The following ERVK3-1 variants were observed in gnomAD, a reference collection of about 807,000 sequenced individuals.
The protein encoded by ERVK3-1 is endogenous retrovirus group K3 member 1, also known as HERV-K(HML6-1).
rs1411795705 is a variant in ERVK3-1, at chr19:58,310,820, A to G, written c.-3-1346A>G. The G allele has an allele frequency of 2.7e-5, 10 of 369,284 alleles. No individual in the cohort carries two copies. The East Asian group carries it at 5.3e-4, about 20-fold the overall frequency. 22.9% of individuals were successfully genotyped at this position (369,284 alleles called of 1,614,324 possible). The stretch of plus-strand genomic sequence containing the variant: ...AGTCTTCTCTAACCTCCCCCAGGGA[A>G]AGGGAGACCGCCCCCCACCCTTTCC... On this transcript the variant is annotated intron_variant, in intron 2 of 3. Transcript: ENST00000413518. This position sits in a 1 kb window ranked among gnomAD's most constrained non-coding sequence, Gnocchi z 4.7.
downstream of ERVK3-1, among the ~76,000 whole-genome samples, chr19:58,316,448 A>G (rs1395140438): frequency 6.6e-6 from 1 of 152,120 alleles, no homozygotes; most frequent in Non-Finnish European, 1.5e-5. Flanking sequence ...AGGCTGAGGC[A>G]GGCCTGAGGT....
At chr19:58,314,609 A>C (rs1227365322) in intron 3 of ERVK3-1, 139 bp from the exon 4 acceptor site, 11 of 344,458 alleles carry the variant, frequency 3.2e-5, no homozygotes, top group Admixed American at 1.6e-4. Context: ...CCTGGGTGAC[A>C]GAGCGAGACT....
At chr19:58,311,356 A>G (rs1291438610) in intron 2 of ERVK3-1, 1 of 152,098 alleles carries the variant, frequency 6.6e-6, no homozygotes, top group Non-Finnish European at 1.5e-5. Context: ...TCTCACACAC[A>G]ACTTCCTGGG....
At chr19:58,309,710 C>G (rs2051544947) in intron 2 of ERVK3-1, 1 of 152,212 alleles carries the variant, frequency 6.6e-6, no homozygotes, top group Non-Finnish European at 1.5e-5. Flanking sequence ...ATAGACAAAA[C>G]TATAATGGTA....
Position 58,310,892 on chromosome 19 carries a change from G to A in ERVK3-1, c.-3-1274G>A, listed in dbSNP as rs1191708230. The A allele has an allele frequency of 2.0e-5, 8 of 398,908 alleles. No individual in the cohort carries two copies. The highest frequency in any genetic ancestry group is 3.6e-5 in the South Asian group (2 of 56,250). 24.7% of individuals were successfully genotyped at this position (398,908 alleles called of 1,614,324 possible). A position where few individuals can be genotyped will look rare whatever the true frequency, so the allele number is the denominator to read the frequency against. ...TTGTTCCTTGACACTTTTCGCTACC[G>A]CTAGACCACGGTCTTCCCAAACGCT... is the stretch of plus-strand genomic sequence containing the variant. On this transcript the variant is annotated intron_variant, in intron 2 of 3. Transcript: ENST00000413518. This position sits in a 1 kb window ranked among gnomAD's most constrained non-coding sequence, Gnocchi z 4.7.
At chr19:58,315,504 T>C (rs1163352869) in exon 4 of ERVK3-1, 1 of 152,272 alleles carries the variant, frequency 6.6e-6, no homozygotes, top group East Asian at 1.9e-4. Flanking sequence ...TTCATCCATG[T>C]TGTAGCATGT....
In ERVK3-1 at chr19:58,310,061, C is replaced by T. The variant is rs2051546590; in HGVS notation, c.-3-2105C>T. 3 of 152,142 alleles carry T rather than the reference C, an allele frequency of 2.0e-5. No homozygotes were observed. The highest frequency in any genetic ancestry group is 2.1e-4 in the South Asian group (1 of 4,830). The allele number at this position is 152,142 out of a possible 1,614,324, so 9.4% of individuals were successfully genotyped here. On this transcript the variant is annotated intron_variant, in intron 2 of 3. Transcript: ENST00000413518. The surrounding 1 kb of genome is among the most constrained non-coding windows in gnomAD (Gnocchi z 4.7). ...CAGACCTATTTTACCGATGGCTCTTCCAAAAGCCACACAGCCATTTATGGA... is the reference window on the plus strand; with the variant it reads ...CAGACCTATTTTACCGATGGCTCTTTCAAAAGCCACACAGCCATTTATGGA...
intron 2 of ERVK3-1, among the ~76,000 whole-genome samples, chr19:58,307,885 C>T (rs1444344191): frequency 1.3e-5 from 2 of 152,144 alleles, no homozygotes; most frequent in South Asian, 2.1e-4. Context: ...AGGATTAGAT[C>T]GCTCAGTCAG....
Position 58,310,885 on chromosome 19 carries a change from C to T in ERVK3-1, c.-3-1281C>T, listed in dbSNP as rs1197640179. ...GCGGGTGTTGTTCCTTGACACTTTT[C>T]GCTACCGCTAGACCACGGTCTTCCC... On this transcript the variant is annotated intron_variant, in intron 2 of 3. Coordinates refer to ENST00000413518, the Ensembl canonical transcript of ERVK3-1. This position sits in a 1 kb window ranked among gnomAD's most constrained non-coding sequence, Gnocchi z 4.7. 1.5e-5 allele frequency: 6 copies of T among 404,422 alleles called. No homozygotes were observed. The highest frequency in any genetic ancestry group is 2.5e-5 in the Admixed American group (1 of 40,180). The allele number at this position is 404,422 out of a possible 1,614,324, so 25.1% of individuals were successfully genotyped here. A position where few individuals can be genotyped will look rare whatever the true frequency, so the allele number is the denominator to read the frequency against.
In ERVK3-1 at chr19:58,312,031, AACGAC is replaced by A. The variant is rs764034276; in HGVS notation, c.-3-132_-3-128del. 15 of 397,290 alleles carry A rather than the reference AACGAC, an allele frequency of 3.8e-5. No homozygotes were observed. The highest frequency in any genetic ancestry group is 6.2e-5 in the Non-Finnish European group (14 of 225,762). 24.6% of individuals were successfully genotyped at this position (397,290 alleles called of 1,614,324 possible). ...GGTACGGATGGCAAGACCCCAGCAGAACGACACTGGCAACTGCTAGAGGAAAAGAG... is the reference window on the plus strand; with the variant it reads ...GGTACGGATGGCAAGACCCCAGCAGAACTGGCAACTGCTAGAGGAAAAGAG... On this transcript the variant is annotated intron_variant, in intron 2 of 3. Coordinates refer to ENST00000413518, the Ensembl canonical transcript of ERVK3-1. The surrounding 1 kb of genome is among the most constrained non-coding windows in gnomAD (Gnocchi z 4.7).
chr19:58,314,725 T>C (rs1221272948), intron 3 of ERVK3-1, 23 bp from the exon 4 acceptor site: 3 of 399,834 alleles, frequency 7.5e-6, no homozygotes, highest in Non-Finnish European at 1.3e-5. Context: ...AATGTTGTTA[T>C]GTCTCTGTTT....
In ERVK3-1 at chr19:58,313,944, C is replaced by G. The variant is rs889628737; in HGVS notation, c.295-804C>G. Among the ~76,000 whole-genome samples the G allele has an allele frequency of 1.3e-5, 2 of 152,182 alleles. No individual in the cohort carries two copies. The highest frequency in any genetic ancestry group is 4.8e-5 in the African/African-American group (2 of 41,444). On this transcript the variant is annotated intron_variant, in intron 3 of 3. Transcript: ENST00000413518. This position sits in a 1 kb window ranked among gnomAD's most constrained non-coding sequence, Gnocchi z 4.5. ...GTGTCCTCAGTAGCACTACATAGTT[C>G]TATTCAAACAGCCCAATATGTAGAA...
rs1432435538 is a variant in ERVK3-1, at chr19:58,313,094, C to T, written c.294+632C>T. 2 of 152,196 alleles carry T rather than the reference C, an allele frequency of 1.3e-5. No individual in the cohort carries two copies. Among genetic ancestry groups the T allele is most frequent in the African/African-American group, 4.8e-5 (2 of 41,448 alleles). 9.4% of individuals were successfully genotyped at this position (152,196 alleles called of 1,614,324 possible). A position where few individuals can be genotyped will look rare whatever the true frequency, so the allele number is the denominator to read the frequency against. On this transcript the variant is annotated intron_variant, in intron 3 of 3. Coordinates refer to ENST00000413518, the Ensembl canonical transcript of ERVK3-1. The surrounding 1 kb of genome is among the most constrained non-coding windows in gnomAD (Gnocchi z 4.5). ...TGGTATAGGACAGGCTTTAACCCGC[C>T]CTTACCTCAGTGACGTCATCTAGGA...
rs1397266348 is a variant in ERVK3-1, at chr19:58,310,578, GC to G, written c.-3-1587del. On this transcript the variant is annotated intron_variant, in intron 2 of 3. Transcript: ENST00000413518. This position sits in a 1 kb window ranked among gnomAD's most constrained non-coding sequence, Gnocchi z 4.7. ...GGGAGAGGAGACAGAGAGAAAGACA[GC>G]TTACGCCATTATTTCTGCATATCAG... The G allele has an allele frequency of 6.4e-6, 1 of 156,416 alleles. No individual in the cohort carries two copies. The highest frequency in any genetic ancestry group is 1.4e-5 in the Non-Finnish European group (1 of 70,354). The allele number at this position is 156,416 out of a possible 1,614,324, so 9.7% of individuals were successfully genotyped here. A position where few individuals can be genotyped will look rare whatever the true frequency, so the allele number is the denominator to read the frequency against.
downstream of ERVK3-1, among the ~76,000 whole-genome samples, chr19:58,315,931 C>T (rs2051589772): frequency 6.6e-6 from 1 of 152,210 alleles, no homozygotes; most frequent in Non-Finnish European, 1.5e-5. Context: ...TGGAAACAAA[C>T]CTGTCTCTGC....
chr19:58,315,141 T>C, exon 4 of ERVK3-1: 1 of 195,840 alleles, frequency 5.1e-6, no homozygotes, highest in Non-Finnish European at 1.0e-5. Flanking sequence ...TATGAAGGGC[T>C]GTAAAAGCTC....
downstream of ERVK3-1, among the ~76,000 whole-genome samples, chr19:58,316,078 A>G (rs137973559): frequency 3.9e-3 from 591 of 152,206 alleles, 3 homozygotes; most frequent in African/African-American, 0.014. Flanking sequence ...AGTGAGGTAG[A>G]TGGTGGGGTG....
At chr19:58,314,918 C>A in exon 4 of ERVK3-1, 1 of 394,252 alleles carries the variant, frequency 2.5e-6, no homozygotes, top group Non-Finnish European at 4.5e-6. Flanking sequence ...GCAAACTGTT[C>A]TCATGAAAGC....
At chr19:58,311,632 T>G (rs2051557213) in intron 2 of ERVK3-1, 1 of 152,240 alleles carries the variant, frequency 6.6e-6, no homozygotes. Context: ...TAGCAGCCTT[T>G]GGCTAACTCC....
Sources: allele counts gnomAD v4.1 joint callset (sites outside exome capture counted in the v4.1 genomes callset), GRCh38; gene constraint gnomAD v4.1.1; non-coding constraint Gnocchi (gnomAD v3.1); transcripts MANE v1.5; gene names NCBI Gene and HGNC (gene_info 2026-07-23, HGNC 2026-07-21).